SEPTIN12: variants seen among roughly 807,000 people sequenced by gnomAD.
SEPTIN12 encodes septin-12.
A neutral mutation model predicts 37.7 loss-of-function variants in SEPTIN12; 42 were observed. The ratio of observed to expected loss-of-function variants is 1.11; its 90% CI spans 0.87 to 1.44. SEPTIN12 has a LOEUF of 1.44. Among genes scored for constraint, SEPTIN12 ranks in the 40% most tolerant of loss-of-function variants. SEPTIN12 has a pLI of 0.00. For synonymous variants in SEPTIN12, 254 were observed against 196.7 expected (o/e 1.29, Z -2.44); for missense variants, 613 against 479.2 (o/e 1.28, Z -2.61).
At chr16:4,779,574 C>T (rs143516608) in intron 8 of SEPTIN12, 116 bp downstream of exon 8, 1 of 742,742 alleles carries the variant, frequency 1.3e-6, no homozygotes, top group African/African-American at 1.8e-5. Context: ...CCCCAGGGCT[C>T]TTTGTCTAGT....
At position 4,783,524 on chromosome 16, in the gene SEPTIN12, C is replaced by G; in HGVS notation, c.664G>C (p.Val222Leu). 6.2e-7 allele frequency: 1 copy of G among 1,614,140 alleles called. No homozygotes were observed. ...QQNLRTHCIDVYPQMCFDEDI... is the reference protein window; with the variant it reads ...QQNLRTHCIDLYPQMCFDEDI... ...TCGTCAAAGCACATCTGGGGGTAGA[C>G]GTCGATGCAGTGGGTCCTCAGGTTC... Residue 222 changes from valine to leucine, a missense_variant, in exon 7 of 10, where the codon GTC becomes CTC. Val to Leu is a conservative substitution (Grantham distance 32). Transcript: ENST00000268231.
intron 7 of SEPTIN12, among the ~76,000 whole-genome samples, chr16:4,781,970 A>C (rs1262121076): frequency 1.4e-4 from 3 of 21,682 alleles, no homozygotes; most frequent in East Asian, 2.8e-3. Context: ...TTTTTTTTTG[A>C]GACAGGGTCT....
At chr16:4,784,094 T>G (rs760754279) in intron 4 of SEPTIN12, 26 bp from the exon 5 acceptor site, 1 of 1,613,184 alleles carries the variant, frequency 6.2e-7, no homozygotes, top group Non-Finnish European at 8.5e-7. Context: ...GACCCTCCCC[T>G]CAGAACTGTG....
chr16:4,784,615 C>CACGGAAACGCCAACTCTACAAAAAATAG (rs372643763), intron 4 of SEPTIN12, among the ~76,000 whole-genome samples: 1 of 151,232 alleles, frequency 6.6e-6, no homozygotes, highest in Admixed American at 6.6e-5. Context: ...ACAAAAAATA[C>CACGGAAACGCCAACTCTACAAAAAATAG]ACAAATTAGC....
chr16:4,782,066 T>C (rs1220273818), intron 7 of SEPTIN12, among the ~76,000 whole-genome samples: 2 of 148,608 alleles, frequency 1.3e-5, no homozygotes, highest in Admixed American at 1.4e-4. Context: ...TTCTCCTGCC[T>C]CAGTCTCCCC....
chr16:4,779,015 GT>G lies in SEPTIN12; in HGVS notation c.823+674del, dbSNP rs1415896078. 2.0e-5 allele frequency among the ~76,000 whole-genome samples: 3 copies of G among 151,830 alleles called. No individual in the cohort carries two copies. In the East Asian group the frequency reaches 5.8e-4, roughly 29 times the overall value. On this transcript the variant is annotated intron_variant, in intron 8 of 9. Coordinates refer to ENST00000268231, the MANE Select transcript of SEPTIN12 (RefSeq NM_144605.5). ...TAGCTGGGCGTGGTGGCAGGTGCCTGTAATCCCAGCTCTTTGGGAGGCTGAG... is the reference window on the plus strand; with the variant it reads ...TAGCTGGGCGTGGTGGCAGGTGCCTGAATCCCAGCTCTTTGGGAGGCTGAG...
intron 5 of SEPTIN12, 70 bp from the exon 6 acceptor site, chr16:4,783,836 G>A (rs1397923308): frequency 1.9e-6 from 3 of 1,599,640 alleles, no homozygotes; most frequent in Admixed American, 1.7e-5. Flanking sequence ...GCAGGGCACG[G>A]GGGTGGGGGC....
intron 7 of SEPTIN12, among the ~76,000 whole-genome samples, chr16:4,781,042 C>G (rs1006704075): frequency 1.4e-4 from 22 of 152,176 alleles, no homozygotes; most frequent in African/African-American, 4.8e-4. Flanking sequence ...GGGTGGATCA[C>G]AAGGTCAGGA....
chr16:4,786,766 C>G (rs2082457315), intron 2 of SEPTIN12, among the ~76,000 whole-genome samples: 1 of 152,076 alleles, frequency 6.6e-6, no homozygotes, highest in Non-Finnish European at 1.5e-5. Context: ...CCCACCTCAG[C>G]CCCCCAAGTA....
chr16:4,787,547 C>G lies in SEPTIN12; in HGVS notation c.99G>C (p.Glu33Asp), dbSNP rs1461085937. ...PCEMLGPVGIEAVLDQLKIKA... is the reference protein window; with the variant it reads ...PCEMLGPVGIDAVLDQLKIKA... Reference sequence around the variant, plus strand: ...TGATCTTCAGCTGGTCCAGCACAGCCTCAATGCCCACAGGACCAAGCATCT... The same window carrying G: ...TGATCTTCAGCTGGTCCAGCACAGCGTCAATGCCCACAGGACCAAGCATCT... The change falls in exon 2 of 10, where the codon GAG (glutamate) becomes GAC (aspartate). Residue 33 changes from glutamate (E) to aspartate (D), a missense_variant. Coordinates refer to ENST00000268231, the MANE Select transcript of SEPTIN12 (RefSeq NM_144605.5). 1 of 1,612,276 alleles carries G rather than the reference C, an allele frequency of 6.2e-7. No individual in the cohort carries two copies. Among genetic ancestry groups the G allele is most frequent in the Non-Finnish European group, 8.5e-7 (1 of 1,179,904 alleles).
intron 7 of SEPTIN12, among the ~76,000 whole-genome samples, chr16:4,781,968 T>TTTTTTTTTC (rs71139658): frequency 7.3e-6 from 1 of 137,482 alleles, no homozygotes; most frequent in Non-Finnish European, 1.6e-5. Flanking sequence ...TTTTTTTTTT[T>TTTTTTTTTC]GAGACAGGGT....
At position 4,783,763 on chromosome 16, in the gene SEPTIN12, C is replaced by T. The variant is rs2082400853; in HGVS notation, c.516G>A (p.Leu172=). Residue 172 remains leucine, a synonymous_variant, in exon 6 of 10, where the codon CTG becomes CTA. Coordinates refer to ENST00000268231, the MANE Select transcript of SEPTIN12 (RefSeq NM_144605.5). ...VYFVPPTGHC[L]RPLDIEFLQR... ...GCAGGAACTCAATGTCCAGGGGCCG[C>T]AGGCTGCCGGAGGCAGGGCAGTGAT... The T allele has an allele frequency of 1.9e-6, 3 of 1,613,622 alleles. No individual in the cohort carries two copies. The highest frequency in any genetic ancestry group is 2.5e-6 in the Non-Finnish European group (3 of 1,179,840).
rs1567563603 is a variant in SEPTIN12, at chr16:4,783,463, CGTAACTTGCT to C, written c.715_724del (p.Ser239GlyfsTer9). ...GCCTCCCGCCCCACAGCCTCTCACC[CGTAACTTGCT>C]GTTGAGGATTTTGTCATTGATGTCC... On this transcript the variant is annotated frameshift_variant and splice_region_variant, in exon 7 of 10. Transcript: ENST00000268231. LOFTEE classifies it high-confidence loss of function. 6.2e-7 allele frequency: 1 copy of C among 1,613,430 alleles called. No homozygotes were observed. Among genetic ancestry groups the C allele is most frequent in the East Asian group, 2.2e-5 (1 of 44,868 alleles).
intron 2 of SEPTIN12, among the ~76,000 whole-genome samples, chr16:4,786,521 A>AT (rs1165277137): frequency 6.7e-6 from 1 of 149,092 alleles, no homozygotes; most frequent in Non-Finnish European, 1.5e-5. Flanking sequence ...CGCCTGGCTA[A>AT]TTTTTTTGTA....
rs761907896 is a variant in SEPTIN12, at chr16:4,778,165, G to T, written c.824-28C>A. The T allele has an allele frequency of 4.3e-6, 7 of 1,612,862 alleles. No individual in the cohort carries two copies. The South Asian group carries it at 5.5e-5, about 13-fold the overall frequency. On this transcript the variant is annotated intron_variant, in intron 8 of 9. Transcript: ENST00000268231. Reference sequence around the variant, plus strand: ...GCAAGACATGGGACTCAGTATGGGCGCTGCTTAGTGAGCACTGAGTAAGTG... The same window carrying T: ...GCAAGACATGGGACTCAGTATGGGCTCTGCTTAGTGAGCACTGAGTAAGTG...
rs368544712 is a variant in SEPTIN12, at chr16:4,783,772, G to A, written c.513-6C>T. On this transcript the variant is annotated splice_region_variant and splice_polypyrimidine_tract_variant and intron_variant, in intron 5 of 9. Transcript: ENST00000268231. ...CAATGTCCAGGGGCCGCAGGCTGCCGGAGGCAGGGCAGTGATGGGGGTGGC... is the reference window on the plus strand; with the variant it reads ...CAATGTCCAGGGGCCGCAGGCTGCCAGAGGCAGGGCAGTGATGGGGGTGGC... The A allele has an allele frequency of 1.4e-4, 226 of 1,613,218 alleles. No homozygotes were observed. The highest frequency in any genetic ancestry group is 1.7e-4 in the Non-Finnish European group (200 of 1,179,590).
intron 8 of SEPTIN12, among the ~76,000 whole-genome samples, chr16:4,778,691 T>C (rs2082339934): frequency 6.6e-6 from 1 of 151,726 alleles, no homozygotes; most frequent in Non-Finnish European, 1.5e-5. Context: ...TCCCAGCTAT[T>C]TGGGAGGCTG....
At chr16:4,789,288 T>A (rs1315868373), upstream of SEPTIN12, among the ~76,000 whole-genome samples, 2 of 152,100 alleles carry the variant, frequency 1.3e-5, no homozygotes, top group African/African-American at 4.8e-5. Flanking sequence ...TTGGGATTAG[T>A]GAGCCACCAT....
chr16:4,778,964 C>T (rs1489241206), intron 8 of SEPTIN12, among the ~76,000 whole-genome samples: 1 of 151,754 alleles, frequency 6.6e-6, no homozygotes, highest in African/African-American at 2.4e-5. Context: ...TAGTGAAACC[C>T]CGTCTCTCAT....
Sources: allele counts gnomAD v4.1 joint callset (sites outside exome capture counted in the v4.1 genomes callset), GRCh38; gene constraint gnomAD v4.1.1; transcripts MANE v1.5; gene names NCBI Gene and HGNC (gene_info 2026-07-23, HGNC 2026-07-21).